The following STK33 variants were observed in gnomAD, a reference collection of about 807,000 sequenced individuals.
STK33 encodes the protein serine/threonine-protein kinase 33.
STK33 carries 52 observed loss-of-function variants against 58.0 expected under a neutral mutation model. The ratio of observed to expected loss-of-function variants is 0.90; its 90% CI spans 0.72 to 1.13. The LOEUF (loss-of-function observed/expected upper bound fraction) is 1.13, where lower values mean the gene tolerates loss of function less well. STK33 is among the 50% of genes most tolerant of loss of function. STK33 has a pLI of 0.00. For missense variants in STK33, 630 were observed against 604.2 expected (o/e 1.04, Z -0.45); for synonymous variants, 215 against 200.1 (o/e 1.07, Z -0.63).
At chr11:8,567,272 T>G (rs1444356099) in intron 1 of STK33, 1 of 152,200 alleles carries the variant, frequency 6.6e-6, no homozygotes, top group Admixed American at 6.5e-5. Flanking sequence ...TCTAGTTATG[T>G]AACGTTTATC....
Position 8,594,161 on chromosome 11 carries a change from G to A in STK33, c.-544C>T, listed in dbSNP as rs2033061049. 1 of 152,296 alleles carries A rather than the reference G, an allele frequency of 6.6e-6. No individual in the cohort carries two copies. Among genetic ancestry groups the A allele is most frequent in the Non-Finnish European group, 1.5e-5 (1 of 68,096 alleles). The allele number at this position is 152,296 out of a possible 1,614,324, so 9.4% of individuals were successfully genotyped here. On this transcript the variant is annotated 5_prime_UTR_variant, in exon 1 of 16. Transcript: ENST00000687296. ...GTCGCTGAGCCCGGAATTCTGCACCGGGAGAAACTTTTCAGCCCGCAGAGC... is the reference window on the plus strand; with the variant it reads ...GTCGCTGAGCCCGGAATTCTGCACCAGGAGAAACTTTTCAGCCCGCAGAGC...
the STK33 span, among the ~76,000 whole-genome samples, chr11:8,366,637 G>A: frequency 6.6e-6 from 1 of 152,198 alleles, no homozygotes; most frequent in Non-Finnish European, 1.5e-5. Flanking sequence ...CCTGACCACA[G>A]TCTGTGTGCA....
chr11:8,510,996 T>A (rs1372165425), intron 1 of STK33, among the ~76,000 whole-genome samples: 1 of 152,172 alleles, frequency 6.6e-6, no homozygotes, highest in Non-Finnish European at 1.5e-5. Flanking sequence ...TCTGTATGAA[T>A]TTTGGTATTG....
intron 1 of STK33, among the ~76,000 whole-genome samples, chr11:8,583,695 T>C (rs2030876488): frequency 6.6e-6 from 1 of 152,224 alleles, no homozygotes; most frequent in African/African-American, 2.4e-5. Flanking sequence ...AGCATAGTTA[T>C]ATAGAGAATA....
intron 8 of STK33, among the ~76,000 whole-genome samples, chr11:8,458,777 A>T (rs147561761): frequency 6.6e-6 from 1 of 152,270 alleles, no homozygotes; most frequent in Non-Finnish European, 1.5e-5. Context: ...GGTACCCTTT[A>T]TGTCTCCTTT....
chr11:8,560,534 G>T (rs1395986108), intron 1 of STK33, among the ~76,000 whole-genome samples: 1 of 151,990 alleles, frequency 6.6e-6, no homozygotes, highest in African/African-American at 2.4e-5. Context: ...TTATCATGGT[G>T]ATTTTGTCAT....
chr11:8,539,260 C>A (rs1265187182), intron 1 of STK33, among the ~76,000 whole-genome samples: 1 of 152,162 alleles, frequency 6.6e-6, no homozygotes, highest in Non-Finnish European at 1.5e-5. Context: ...AGCCCATTAT[C>A]ATAGAGACTT....
chr11:8,380,560 C>CA, the STK33 span, among the ~76,000 whole-genome samples: 810 of 97,082 alleles, frequency 8.3e-3, 13 homozygotes, highest in East Asian at 0.044. Flanking sequence ...AACTCCTTCT[C>CA]AAAAAAAAAA....
At chr11:8,377,606 G>A in the STK33 span, among the ~76,000 whole-genome samples, 1 of 152,118 alleles carries the variant, frequency 6.6e-6, no homozygotes, top group Non-Finnish European at 1.5e-5. Flanking sequence ...ATATAGTACT[G>A]GAAGTCCTAG....
At chr11:8,544,721 G>C (rs1591719248) in intron 1 of STK33, among the ~76,000 whole-genome samples, 1 of 152,004 alleles carries the variant, frequency 6.6e-6, no homozygotes, top group Admixed American at 6.6e-5. Context: ...ATGCATGGGG[G>C]AAAACAATAT....
chr11:8,374,521 GAGAGAGAGAGAC>G, the STK33 span, among the ~76,000 whole-genome samples: 1 of 152,070 alleles, frequency 6.6e-6, no homozygotes, highest in South Asian at 2.1e-4. Flanking sequence ...GGCAGAGAAA[GAGAGAGAGAGAC>G]AGAGAGAGAG....
At position 8,392,168 on chromosome 11, in the gene STK33, T is replaced by C. The variant is rs569957654; in HGVS notation, c.*342A>G. The C allele has an allele frequency of 7.1e-5, 19 of 268,064 alleles. No individual in the cohort carries two copies. The highest frequency in any genetic ancestry group is 4.2e-4 in the African/African-American group (19 of 45,544). The allele number at this position is 268,064 out of a possible 1,614,324, so 16.6% of individuals were successfully genotyped here. A position where few individuals can be genotyped will look rare whatever the true frequency, so the allele number is the denominator to read the frequency against. The stretch of plus-strand genomic sequence containing the variant: ...TCTTGTTTTCCCCTATAAATAGCTG[T>C]GCCTAAACATAAGAATTTGAAGTAA... On this transcript the variant is annotated 3_prime_UTR_variant, in exon 16 of 16. Coordinates refer to ENST00000687296, the MANE Select transcript of STK33 (RefSeq NM_001352389.2).
At chr11:8,526,341 G>A (rs1202019380) in intron 1 of STK33, among the ~76,000 whole-genome samples, 4 of 151,584 alleles carry the variant, frequency 2.6e-5, no homozygotes, top group Non-Finnish European at 4.4e-5. Context: ...GCAATGAGCC[G>A]AGATCGCACC....
At chr11:8,549,834 C>T (rs1427202735) in intron 1 of STK33, among the ~76,000 whole-genome samples, 2 of 152,084 alleles carry the variant, frequency 1.3e-5, no homozygotes, top group East Asian at 3.8e-4. Context: ...ACGTTTTCAT[C>T]TCTGATTTTA....
chr11:8,493,955 A>G (rs980806805), intron 1 of STK33, among the ~76,000 whole-genome samples: 1 of 152,196 alleles, frequency 6.6e-6, no homozygotes, highest in Admixed American at 6.5e-5. Context: ...TCTCAAAATA[A>G]TAAGAGCTAT....
intron 1 of STK33, among the ~76,000 whole-genome samples, chr11:8,557,513 T>C (rs879856154): frequency 6.6e-6 from 1 of 152,014 alleles, no homozygotes; most frequent in Non-Finnish European, 1.5e-5. Context: ...CAAGTCAAAA[T>C]ATACATTCCT....
At chr11:8,472,991 T>C (rs982280874) in intron 6 of STK33, among the ~76,000 whole-genome samples, 172 bp downstream of exon 6, 1 of 152,222 alleles carries the variant, frequency 6.6e-6, no homozygotes, top group Non-Finnish European at 1.5e-5. Context: ...AAACAGAAGA[T>C]AATTAATCTG....
intron 1 of STK33, among the ~76,000 whole-genome samples, chr11:8,549,359 T>C (rs547985263): frequency 1.5e-3 from 236 of 152,312 alleles, no homozygotes; most frequent in African/African-American, 5.1e-3. Flanking sequence ...CAGTGTGTTG[T>C]TGAATTTGGT....
chr11:8,519,864 C>CA (rs916075863), intron 1 of STK33, among the ~76,000 whole-genome samples: 2 of 152,060 alleles, frequency 1.3e-5, no homozygotes, highest in South Asian at 2.1e-4. Context: ...GCCTACCAAC[C>CA]AAAAAAAGTC....
Sources: gnomAD v4.1 joint callset for allele counts (sites outside exome capture counted in the v4.1 genomes callset) on GRCh38, gnomAD v4.1.1 for gene constraint, MANE v1.5 for transcripts, NCBI Gene and HGNC (gene_info 2026-07-23, HGNC 2026-07-21) for gene names.